Variants in TNIP1 observed in about 807,000 individuals in gnomAD.
The protein encoded by TNIP1 is TNFAIP3 interacting protein 1, also known as TNFAIP3-interacting protein 1.
TNIP1 carries 22 observed loss-of-function variants against 86.6 expected under a neutral mutation model. That is an observed-to-expected ratio of 0.25 (90% CI 0.18 to 0.36). The LOEUF (loss-of-function observed/expected upper bound fraction) is 0.36. TNIP1 is among the 10% of genes least tolerant of loss of function. The pLI is 1.00. For missense variants in TNIP1, 709 were observed against 820.6 expected (o/e 0.86, Z 1.66); for synonymous variants, 294 against 313.0 (o/e 0.94, Z 0.64).
rs780526504 is a variant in TNIP1 at position 151,056,720 on chromosome 5, G to A, written c.627+46C>T. ...GCAGGAAGGTGGGAAGAGCTCGGGGGGAAGCACGCCTGCCTGTCTCGGGCT... is the reference window on the plus strand; with the variant it reads ...GCAGGAAGGTGGGAAGAGCTCGGGGAGAAGCACGCCTGCCTGTCTCGGGCT... On this transcript the variant is annotated intron_variant, in intron 6 of 17. Coordinates refer to ENST00000521591, the MANE Select transcript of TNIP1 (RefSeq NM_006058.5). 4.9e-6 allele frequency: 7 copies of A among 1,430,734 alleles called. No individual in the cohort carries two copies. The African/African-American group carries it at 5.9e-5, about 12-fold the overall frequency. The allele number at this position is 1,430,734 out of a possible 1,614,324, so 88.6% of individuals were successfully genotyped here.
rs140305233 is a variant in TNIP1 at position 151,041,164 on chromosome 5, G to A, written c.1134+1376C>T. Among the ~76,000 whole-genome samples, 879 of 151,116 alleles carry A rather than the reference G, an allele frequency of 5.8e-3. 10 individuals are homozygous for A. The highest frequency in any genetic ancestry group is 0.02 in the African/African-American group (830 of 41,038). On this transcript the variant is annotated intron_variant, in intron 11 of 17. Transcript: ENST00000521591. ...CAGCTCACTGCAACCTCCGCCTCCC[G>A]GGTTCAAGCGATTCTCGTGCCTCAG...
At chr5:151,036,725 G>A (rs1257864139) in intron 13 of TNIP1, 65 bp downstream of exon 13, 6 of 1,610,734 alleles carry the variant, frequency 3.7e-6, no homozygotes, top group Non-Finnish European at 5.1e-6. Context: ...AAGCCGTCTG[G>A]GCCCTCAGGA....
At position 151,030,221 on chromosome 5, in the gene TNIP1, C is replaced by G; in HGVS notation, c.*492G>C. ...CCATCATTCTCTTCTGTTCTGGAGA[C>G]AAACCCACACTTCCCACAGCTCCTC... On this transcript the variant is annotated 3_prime_UTR_variant, in exon 18 of 18. Transcript: ENST00000521591. 1 of 445,162 alleles carries G rather than the reference C, an allele frequency of 2.2e-6. No homozygotes were observed. Among genetic ancestry groups the G allele is most frequent in the East Asian group, 7.0e-5 (1 of 14,270 alleles). The allele number at this position is 445,162 out of a possible 1,614,324, so 27.6% of individuals were successfully genotyped here.
At chr5:151,066,923 C>T (rs934761829) in intron 1 of TNIP1, among the ~76,000 whole-genome samples, 1 of 152,170 alleles carries the variant, frequency 6.6e-6, no homozygotes, top group East Asian at 1.9e-4. Context: ...GTTTCCCTTG[C>T]CCTGCAGCAT....
chr5:151,073,582 T>TTGTGTGTGTG (rs377380185), intron 1 of TNIP1, among the ~76,000 whole-genome samples: 15 of 150,312 alleles, frequency 1.0e-4, no homozygotes, highest in East Asian at 7.8e-4. Flanking sequence ...CAAAAACACA[T>TTGTGTGTGTG]TGTGTGTGTG....
In TNIP1 at chr5:151,030,038, G is replaced by T. The variant is rs1350366942; in HGVS notation, c.*675C>A. ...CCTAATCTGGGCTTCTGGCACCACA[G>T]GCCTCCAGCTATGGGGTCCAGGGTC... On this transcript the variant is annotated 3_prime_UTR_variant, in exon 18 of 18. Coordinates refer to ENST00000521591, the MANE Select transcript of TNIP1 (RefSeq NM_006058.5). The T allele has an allele frequency of 2.2e-6, 1 of 456,394 alleles. No homozygotes were observed. Among genetic ancestry groups the T allele is most frequent in the Non-Finnish European group, 4.4e-6 (1 of 226,650 alleles). 28.3% of individuals were successfully genotyped at this position (456,394 alleles called of 1,614,324 possible).
intron 6 of TNIP1, among the ~76,000 whole-genome samples, chr5:151,055,755 G>C (rs1760578404): frequency 6.6e-6 from 1 of 152,222 alleles, no homozygotes; most frequent in South Asian, 2.1e-4. Context: ...ACATGAATGA[G>C]ACCACAGATC....
At chr5:151,078,151 C>T (rs1226524577) in intron 1 of TNIP1, among the ~76,000 whole-genome samples, 2 of 152,190 alleles carry the variant, frequency 1.3e-5, no homozygotes, top group South Asian at 2.1e-4. Flanking sequence ...CCCATTTGAC[C>T]AAAAGTTCCT....
chr5:151,034,562 G>A (rs1187021463), intron 15 of TNIP1: 3 of 295,568 alleles, frequency 1.0e-5, no homozygotes, highest in Non-Finnish European at 1.9e-5. Context: ...GCTGATACAT[G>A]GAAACGGAAG....
At chr5:151,064,454 C>T (rs1051756281) in intron 2 of TNIP1, among the ~76,000 whole-genome samples, 1 of 152,124 alleles carries the variant, frequency 6.6e-6, no homozygotes, top group Non-Finnish European at 1.5e-5. Flanking sequence ...GCACAGGGCC[C>T]GTCGGTCGTG....
Position 151,052,266 on chromosome 5 carries a change from G to C in TNIP1, c.628-7C>G. 6.2e-6 allele frequency: 10 copies of C among 1,612,434 alleles called. No individual in the cohort carries two copies. The highest frequency in any genetic ancestry group is 8.5e-6 in the Non-Finnish European group (10 of 1,179,158). ...GAAGCTGCTCACACAGGGTCTGTGG[G>C]GCAGGGGAACAGACAGGGTGAGGGA... is the stretch of plus-strand genomic sequence containing the variant. On this transcript the variant is annotated splice_polypyrimidine_tract_variant and splice_region_variant and intron_variant, in intron 6 of 17. Transcript: ENST00000521591.
At chr5:151,054,064 G>A (rs1736397771) in intron 6 of TNIP1, among the ~76,000 whole-genome samples, 1 of 152,212 alleles carries the variant, frequency 6.6e-6, no homozygotes, top group South Asian at 2.1e-4. Flanking sequence ...AAGAGGTGTA[G>A]AAGGGACAAG....
Position 151,033,661 on chromosome 5 carries a change from G to C in TNIP1, c.1726C>G (p.Pro576Ala), listed in dbSNP as rs150564405. Reference sequence around the variant, plus strand: ...GGGGGCGGGTGCTCCATGGCCATGGGGGGAGGGGGGTAGCGGATCTGGGAC... The same window carrying C: ...GGGGGCGGGTGCTCCATGGCCATGGCGGGAGGGGGGTAGCGGATCTGGGAC... ...DWSQIRYPPP[P>A]MAMEHPPPLP... The change falls in exon 16 of 18, where the codon CCC becomes GCC. Residue 576 changes from proline to alanine, a missense_variant. Coordinates refer to ENST00000521591, the MANE Select transcript of TNIP1 (RefSeq NM_006058.5). The C allele has an allele frequency of 2.2e-6, 3 of 1,353,842 alleles. No individual in the cohort carries two copies. In the African/African-American group the frequency reaches 4.5e-5, roughly 20 times the overall value. The allele number at this position is 1,353,842 out of a possible 1,614,324, so 83.9% of individuals were successfully genotyped here.
In TNIP1 at chr5:151,077,297, G is replaced by A. The variant is rs77555371; in HGVS notation, c.-37+3583C>T. Among the ~76,000 whole-genome samples the A allele has an allele frequency of 9.4e-4, 143 of 152,322 alleles. 3 individuals are homozygous for A. The East Asian group carries it at 0.017, about 18-fold the overall frequency. On this transcript the variant is annotated intron_variant, in intron 1 of 17. Transcript: ENST00000521591. ...TCCATTCATGAAGCAGAGGGATTAC[G>A]TTTCCAAGATATGAACTTTTGGGGG...
Position 151,030,667 on chromosome 5 carries a change from G to C in TNIP1, c.*46C>G, listed in dbSNP as rs1395445351. On this transcript the variant is annotated 3_prime_UTR_variant, in exon 18 of 18. Coordinates refer to ENST00000521591, the MANE Select transcript of TNIP1 (RefSeq NM_006058.5). ...CTAGTTTCTTGGCAATCTGAGATCA[G>C]CTGGCTCTGCAAGATGAAGGTGGAG... 1.2e-6 allele frequency: 2 copies of C among 1,613,866 alleles called. No homozygotes were observed. The highest frequency in any genetic ancestry group is 1.7e-6 in the Non-Finnish European group (2 of 1,179,840).
intron 11 of TNIP1, among the ~76,000 whole-genome samples, chr5:151,042,026 C>T (rs1285725007): frequency 6.6e-6 from 1 of 151,746 alleles, no homozygotes; most frequent in Non-Finnish European, 1.5e-5. Flanking sequence ...CTGCAACCTC[C>T]GCCTCCCAGG....
chr5:151,041,597 C>G (rs1396447459), intron 11 of TNIP1, among the ~76,000 whole-genome samples: 1 of 152,130 alleles, frequency 6.6e-6, no homozygotes, highest in Non-Finnish European at 1.5e-5. Context: ...AAACTCCTGG[C>G]CTCAAGCAAT....
intron 16 of TNIP1, chr5:151,032,948 A>G (rs1488348425): frequency 6.5e-6 from 1 of 153,956 alleles, no homozygotes; most frequent in Non-Finnish European, 1.4e-5. Context: ...CAATATGGAG[A>G]AACCCCGTCT....
At position 151,042,527 on chromosome 5, in the gene TNIP1, C is replaced by A. The variant is rs1439649531; in HGVS notation, c.1134+13G>T. 1 of 1,611,016 alleles carries A rather than the reference C, an allele frequency of 6.2e-7. No homozygotes were observed. Among genetic ancestry groups the A allele is most frequent in the Non-Finnish European group, 8.5e-7 (1 of 1,179,692 alleles). On this transcript the variant is annotated intron_variant, in intron 11 of 17. Coordinates refer to ENST00000521591, the MANE Select transcript of TNIP1 (RefSeq NM_006058.5). ...GGGGAACTGACTCTGCAGGGACCAG[C>A]AGTCACACTTGCCTCCTCCATTTCA...
Sources: gnomAD v4.1 joint callset for allele counts (sites outside exome capture counted in the v4.1 genomes callset) on GRCh38, gnomAD v4.1.1 for gene constraint, MANE v1.5 for transcripts, NCBI Gene and HGNC (gene_info 2026-07-23, HGNC 2026-07-21) for gene names.